The following PCDH15 variants were observed in gnomAD, a reference collection of about 807,000 sequenced individuals.
The protein encoded by PCDH15 is protocadherin-15.
Under a neutral mutation model 178.5 loss-of-function variants are expected in PCDH15, and 129 were observed. The ratio of observed to expected loss-of-function variants is 0.72; its 90% confidence interval spans 0.63 to 0.84. The LOEUF (loss-of-function observed/expected upper bound fraction) is 0.84, where lower values mean the gene tolerates loss of function less well. PCDH15 is among the 40% of genes least tolerant of loss of function. The pLI, the probability that PCDH15 is intolerant of heterozygous loss-of-function variation, is 0.00. For synonymous variants in PCDH15, 800 were observed against 732.0 expected (o/e 1.09, Z -1.50); for missense variants, 2,230 against 2,099.9 (o/e 1.06, Z -1.21).
chr10:54,445,418 T>C (rs1000540916), intron 3 of PCDH15, among the ~76,000 whole-genome samples: 2 of 151,554 alleles, frequency 1.3e-5, no homozygotes, highest in African/African-American at 2.4e-5. Flanking sequence ...AGTTTCCACT[T>C]ATGAGCTTGC....
At chr10:54,008,451 G>C (rs4935488) in intron 20 of PCDH15, among the ~76,000 whole-genome samples, 85,645 of 151,922 alleles carry the variant, frequency 0.56, 25,385 homozygotes, top group South Asian at 0.7. Context: ...AGAGGTATGA[G>C]GCCCAGATAC....
At chr10:55,123,994 G>A (rs1837837495) in intron 2 of PCDH15, among the ~76,000 whole-genome samples, 1 of 152,096 alleles carries the variant, frequency 6.6e-6, no homozygotes, top group African/African-American at 2.4e-5. Context: ...GCAGTGTCTG[G>A]GGTGAGACTG....
At chr10:54,540,717 A>G (rs2085115665) in intron 2 of PCDH15, among the ~76,000 whole-genome samples, 1 of 152,106 alleles carries the variant, frequency 6.6e-6, no homozygotes, top group Admixed American at 6.5e-5. Flanking sequence ...AAAGAAAACT[A>G]TAGGTCAATA....
chr10:55,502,512 A>C (rs2132141058), intron 2 of PCDH15, among the ~76,000 whole-genome samples: 1 of 151,862 alleles, frequency 6.6e-6, no homozygotes, highest in Non-Finnish European at 1.5e-5. Flanking sequence ...TTATCAGATA[A>C]AAATATGTCT....
At chr10:54,854,461 G>T (rs1007279831) in intron 3 of PCDH15, among the ~76,000 whole-genome samples, 1 of 152,204 alleles carries the variant, frequency 6.6e-6, no homozygotes, top group Admixed American at 6.5e-5. Context: ...CAACTGGAGA[G>T]TGAGCAAGAC....
chr10:55,173,151 T>C (rs1402705809), intron 1 of PCDH15, among the ~76,000 whole-genome samples: 2 of 152,000 alleles, frequency 1.3e-5, no homozygotes, highest in Admixed American at 6.6e-5. Flanking sequence ...AAAAACACTT[T>C]AGAATTCCTT....
intron 15 of PCDH15, among the ~76,000 whole-genome samples, chr10:54,121,625 C>T (rs2095221068): frequency 1.3e-5 from 2 of 152,084 alleles, no homozygotes; most frequent in African/African-American, 2.4e-5. Flanking sequence ...TGTAATGTCA[C>T]AGCCGATCAC....
chr10:54,453,453 A>T (rs1261557899), intron 3 of PCDH15, among the ~76,000 whole-genome samples: 2 of 152,020 alleles, frequency 1.3e-5, no homozygotes, highest in Non-Finnish European at 2.9e-5. Flanking sequence ...GAATTGAACA[A>T]TGAGAACACA....
chr10:55,622,122 TATA>T (rs1354456031), intron 2 of PCDH15, among the ~76,000 whole-genome samples: 2 of 68,626 alleles, frequency 2.9e-5, no homozygotes, highest in Admixed American at 3.4e-4. Flanking sequence ...TATCTATAAA[TATA>T]TATATTATAT....
At chr10:54,375,886 T>TATATAG (rs1246739622) in intron 4 of PCDH15, among the ~76,000 whole-genome samples, 2,493 of 143,254 alleles carry the variant, frequency 0.017, 118 homozygotes, top group African/African-American at 0.061. Context: ...ACGGAATATA[T>TATATAG]ATATATATAT....
Position 54,664,246 on chromosome 10 carries a change from TA to T in PCDH15, c.16del (p.Tyr6IlefsTer6), listed in dbSNP as rs397517451. MFRQF[Y>X]LWTCLASGII... ...CCCTGAAGCTAAACATGTCCAGAGATAAAACTGTCGAAACATCTTCTGTCAA... is the reference window on the plus strand; with the variant it reads ...CCCTGAAGCTAAACATGTCCAGAGATAAACTGTCGAAACATCTTCTGTCAA... On this transcript the variant is annotated frameshift_variant, in exon 2 of 38. Transcript: ENST00000644397. LOFTEE classifies it high-confidence loss of function. The T allele has an allele frequency of 6.2e-7, 1 of 1,611,602 alleles. No individual in the cohort carries two copies. Among genetic ancestry groups the T allele is most frequent in the Non-Finnish European group, 8.5e-7 (1 of 1,178,476 alleles).
intron 1 of PCDH15, among the ~76,000 whole-genome samples, chr10:55,261,310 A>G (rs1842140357): frequency 6.6e-6 from 1 of 152,168 alleles, no homozygotes; most frequent in African/African-American, 2.4e-5. Context: ...ACATTTCTTC[A>G]TAATAATATC....
At chr10:53,877,022 G>A (rs1321463258) in intron 26 of PCDH15, among the ~76,000 whole-genome samples, 1 of 151,940 alleles carries the variant, frequency 6.6e-6, no homozygotes, top group Non-Finnish European at 1.5e-5. Flanking sequence ...ATTAAAGAAA[G>A]AAACTAAAGA....
intron 2 of PCDH15, among the ~76,000 whole-genome samples, chr10:54,945,105 A>T (rs1408109232): frequency 6.6e-6 from 1 of 151,872 alleles, no homozygotes; most frequent in Non-Finnish European, 1.5e-5. Context: ...TTTTCTTTTC[A>T]ATTTTATTGC....
intron 2 of PCDH15, among the ~76,000 whole-genome samples, chr10:55,539,669 T>C (rs1470195945): frequency 6.6e-6 from 1 of 152,152 alleles, no homozygotes; most frequent in African/African-American, 2.4e-5. Context: ...CTTTTCAGAA[T>C]GAATTTAACC....
intron 13 of PCDH15, among the ~76,000 whole-genome samples, chr10:54,158,374 G>A (rs2045367983): frequency 6.6e-6 from 1 of 152,128 alleles, no homozygotes; most frequent in Non-Finnish European, 1.5e-5. Context: ...GATTGTGGGA[G>A]ACTTATTCAC....
At chr10:54,111,425 A>T (rs1207448057) in intron 15 of PCDH15, among the ~76,000 whole-genome samples, 1 of 152,178 alleles carries the variant, frequency 6.6e-6, no homozygotes, top group Non-Finnish European at 1.5e-5. Flanking sequence ...GAAAAAAAAA[A>T]TAACCAAGAA....
chr10:55,345,610 T>G (rs1235607328), intron 2 of PCDH15, among the ~76,000 whole-genome samples: 3 of 152,066 alleles, frequency 2.0e-5, no homozygotes, highest in Admixed American at 2.0e-4. Context: ...AAAATCAAAT[T>G]TTTTCAATTC....
intron 2 of PCDH15, among the ~76,000 whole-genome samples, chr10:55,057,773 A>G (rs17528196): frequency 0.36 from 54,832 of 152,114 alleles, 11,728 homozygotes; most frequent in Non-Finnish European, 0.49. Context: ...GAGAAATTCA[A>G]GCCAAAAGAA....
Sources: allele counts gnomAD v4.1 joint callset (sites outside exome capture counted in the v4.1 genomes callset), GRCh38; gene constraint gnomAD v4.1.1; transcripts MANE v1.5; gene names NCBI Gene and HGNC (gene_info 2026-07-23, HGNC 2026-07-21).